RAB38: variants seen among roughly 807,000 people sequenced by gnomAD.
RAB38 encodes ras-related protein Rab-38.
In RAB38, 15 loss-of-function variants were observed where a neutral mutation model predicts 18.4. That is an observed-to-expected ratio of 0.82 (90% confidence interval 0.55 to 1.26). The LOEUF (loss-of-function observed/expected upper bound fraction) is 1.26. Ranked by LOEUF, RAB38 falls within the 50% of genes most tolerant of loss-of-function variation. The pLI, the probability that RAB38 is intolerant of heterozygous loss-of-function variation, is 0.00. For synonymous variants in RAB38, 101 were observed against 104.4 expected, an observed-to-expected ratio of 0.97 and a Z score of 0.20; for missense variants, 294 against 267.4, an observed-to-expected ratio of 1.10 and a Z score of -0.69.
intron 2 of RAB38, among the ~76,000 whole-genome samples, chr11:88,126,723 C>T (rs1217049786): frequency 6.6e-6 from 1 of 151,764 alleles, no homozygotes; most frequent in Non-Finnish European, 1.5e-5. Flanking sequence ...AAGAAAGACT[C>T]AGAAGTATCC....
chr11:87,920,948 A>T, the RAB38 span, among the ~76,000 whole-genome samples: 2 of 152,044 alleles, frequency 1.3e-5, no homozygotes, highest in Admixed American at 6.6e-5. Flanking sequence ...TTAGAGATTT[A>T]CTGGCTCGCA....
the RAB38 span, among the ~76,000 whole-genome samples, chr11:88,090,595 GA>G: frequency 0.45 from 68,737 of 151,308 alleles, 15,942 homozygotes; most frequent in South Asian, 0.53. Context: ...GTAACAATGA[GA>G]AAAAAAAATC....
At chr11:87,898,492 C>T in the RAB38 span, among the ~76,000 whole-genome samples, 36,303 of 151,578 alleles carry the variant, frequency 0.24, 6,897 homozygotes, top group African/African-American at 0.53. Flanking sequence ...CTGCTCCCCT[C>T]CTAGACTGTG....
At chr11:88,068,689 A>C in the RAB38 span, among the ~76,000 whole-genome samples, 1 of 152,156 alleles carries the variant, frequency 6.6e-6, no homozygotes, top group Non-Finnish European at 1.5e-5. Context: ...TGACAAGTCA[A>C]CTTTCTCAGT....
At chr11:88,152,365 T>C (rs1591172441) in intron 1 of RAB38, among the ~76,000 whole-genome samples, 2 of 152,126 alleles carry the variant, frequency 1.3e-5, no homozygotes, top group Admixed American at 6.5e-5. Flanking sequence ...TTTAAGACCA[T>C]ACAAAAAGCA....
At chr11:87,902,571 T>C in the RAB38 span, among the ~76,000 whole-genome samples, 2 of 151,478 alleles carry the variant, frequency 1.3e-5, no homozygotes, top group African/African-American at 2.4e-5. Context: ...TTGATTAGTA[T>C]TGTTTGGAAT....
At chr11:88,064,910 G>T in the RAB38 span, among the ~76,000 whole-genome samples, 1 of 152,152 alleles carries the variant, frequency 6.6e-6, no homozygotes, top group Admixed American at 6.5e-5. Context: ...CTGGTCACAT[G>T]GTGCTTACAA....
the RAB38 span, among the ~76,000 whole-genome samples, chr11:88,033,788 C>T: frequency 2.2e-3 from 290 of 129,234 alleles, 1 homozygote; most frequent in African/African-American, 7.7e-3. Flanking sequence ...AGTACAGTGG[C>T]GCAATCTCAG....
At chr11:87,976,318 C>A in the RAB38 span, among the ~76,000 whole-genome samples, 1 of 132,464 alleles carries the variant, frequency 7.5e-6, no homozygotes. Context: ...ACACATATAC[C>A]AGAGTTTTTT....
At chr11:88,124,525 G>A (rs944192613) in intron 2 of RAB38, among the ~76,000 whole-genome samples, 1 of 151,052 alleles carries the variant, frequency 6.6e-6, no homozygotes, top group Admixed American at 6.8e-5. Context: ...ATGAAAAAAT[G>A]CTCATCATCA....
the RAB38 span, among the ~76,000 whole-genome samples, chr11:87,827,287 T>A: frequency 1.3e-5 from 2 of 151,928 alleles, no homozygotes; most frequent in Non-Finnish European, 2.9e-5. Context: ...TATTTTTATT[T>A]TTATTATTTT....
the RAB38 span, among the ~76,000 whole-genome samples, chr11:87,886,824 G>GTTTTTT: frequency 1.2e-4 from 16 of 139,026 alleles, no homozygotes; most frequent in Non-Finnish European, 1.4e-4. Flanking sequence ...TGAAGCACTT[G>GTTTTTT]TTTTTTTTTT....
chr11:88,158,448 C>T (rs1170958494), intron 1 of RAB38, among the ~76,000 whole-genome samples: 3 of 151,996 alleles, frequency 2.0e-5, no homozygotes, highest in African/African-American at 7.2e-5. Flanking sequence ...CACCCTGATA[C>T]CAAAATCTGA....
At chr11:87,910,800 C>T in the RAB38 span, among the ~76,000 whole-genome samples, 1 of 151,690 alleles carries the variant, frequency 6.6e-6, no homozygotes, top group Non-Finnish European at 1.5e-5. Flanking sequence ...ACCACCACAC[C>T]CAGCTAATGT....
the RAB38 span, among the ~76,000 whole-genome samples, chr11:87,923,782 C>G: frequency 3.3e-3 from 496 of 151,980 alleles, 1 homozygote; most frequent in African/African-American, 0.011. Context: ...TGCACAGATG[C>G]TGGCTCATTT....
the RAB38 span, among the ~76,000 whole-genome samples, chr11:87,836,142 A>G: frequency 6.6e-6 from 1 of 152,226 alleles, no homozygotes; most frequent in Non-Finnish European, 1.5e-5. Flanking sequence ...AAAACTGACT[A>G]TAAAACTGAT....
At chr11:88,012,465 T>TAAG in the RAB38 span, among the ~76,000 whole-genome samples, 1 of 152,146 alleles carries the variant, frequency 6.6e-6, no homozygotes, top group African/African-American at 2.4e-5. Flanking sequence ...CTGGATTATT[T>TAAG]TTCCTAATAA....
the RAB38 span, among the ~76,000 whole-genome samples, chr11:87,945,933 T>C: frequency 2.6e-4 from 39 of 152,312 alleles, no homozygotes; most frequent in African/African-American, 9.1e-4. Context: ...TTATTATTTC[T>C]AATTTTCACA....
chr11:88,147,211 G>T (rs1461119356), intron 2 of RAB38, among the ~76,000 whole-genome samples: 1 of 152,062 alleles, frequency 6.6e-6, no homozygotes. Context: ...ATGAAGGCAA[G>T]GTTTTATCTG....
Sources: gnomAD v4.1 joint callset for allele counts (sites outside exome capture counted in the v4.1 genomes callset) on GRCh38, gnomAD v4.1.1 for gene constraint, MANE v1.5 for transcripts, NCBI Gene and HGNC (gene_info 2026-07-23, HGNC 2026-07-21) for gene names.